The following DENND2C variants were observed in gnomAD, a reference collection of about 807,000 sequenced individuals.
DENND2C encodes the protein DENN domain-containing protein 2C.
A neutral mutation model predicts 112.4 loss-of-function variants in DENND2C; 72 were observed. That is an observed-to-expected ratio of 0.64 (90% confidence interval 0.53 to 0.78). DENND2C has a LOEUF of 0.78. Ranked by LOEUF, DENND2C falls within the 30% of genes least tolerant of loss-of-function variation. The pLI is 0.00. For missense variants in DENND2C, 992 were observed against 1,113.8 expected (o/e 0.89, Z 1.56); for synonymous variants, 329 against 381.6 (o/e 0.86, Z 1.61).
Position 114,605,086 on chromosome 1 carries a change from G to A in DENND2C, c.1558-55C>T, listed in dbSNP as rs114181646. 3,031 of 1,335,670 alleles carry A rather than the reference G, an allele frequency of 2.3e-3. 56 individuals are homozygous for A. In the African/African-American group the frequency reaches 0.039, roughly 17 times the overall value. The allele number at this position is 1,335,670 out of a possible 1,614,324, so 82.7% of individuals were successfully genotyped here. The stretch of plus-strand genomic sequence containing the variant: ...AATTATACTATGTAAGTGGGGAATA[G>A]AAATAAAAAACTCAGCCTTGTCTCA... On this transcript the variant is annotated intron_variant, in intron 10 of 20. Coordinates refer to ENST00000393274, the MANE Select transcript of DENND2C (RefSeq NM_001256404.2).
At chr1:114,607,775 T>A (rs1278984484) in intron 10 of DENND2C, among the ~76,000 whole-genome samples, 2 of 152,216 alleles carry the variant, frequency 1.3e-5, no homozygotes, top group Non-Finnish European at 2.9e-5. Context: ...AATTAATACC[T>A]ACCATTTATT....
chr1:114,661,797 A>T (rs1657499095), intron 1 of DENND2C, among the ~76,000 whole-genome samples: 1 of 152,226 alleles, frequency 6.6e-6, no homozygotes, highest in South Asian at 2.1e-4. Flanking sequence ...TGAAACAACA[A>T]ATTTGAAAGG....
At chr1:114,655,915 C>T (rs1392177981) in intron 1 of DENND2C, among the ~76,000 whole-genome samples, 1 of 122,382 alleles carries the variant, frequency 8.2e-6, no homozygotes, top group Admixed American at 8.2e-5. Context: ...GTATGTCAGT[C>T]ATATTGTTGC....
chr1:114,600,706 T>A, intron 14 of DENND2C, 114 bp downstream of exon 14: 1 of 1,322,320 alleles, frequency 7.6e-7, no homozygotes, highest in Non-Finnish European at 1.0e-6. Context: ...ATAAAACATA[T>A]TCTTTACAGT....
Position 114,601,527 on chromosome 1 carries a change from C to A in DENND2C, c.1796G>T (p.Cys599Phe). 6.2e-7 allele frequency: 1 copy of A among 1,612,030 alleles called. No homozygotes were observed. The highest frequency in any genetic ancestry group is 8.5e-7 in the Non-Finnish European group (1 of 1,178,846). ...ACTCACCTTTGAAAAAAGATTGAAGCAGCCTAGGCGACTAACCATGCAGTA... is the reference window on the plus strand; with the variant it reads ...ACTCACCTTTGAAAAAAGATTGAAGAAGCCTAGGCGACTAACCATGCAGTA... ...EVYCMVSRLG[C>F]FNLFSKILDE... The change falls in exon 13 of 21, where the codon TGC becomes TTC. Residue 599 changes from cysteine to phenylalanine, a missense_variant. Cys to Phe is a radical substitution (Grantham distance 205). This residue lies in a region of DENND2C where 516 missense variants were observed against 623.6 expected (regional missense o/e 0.83). Coordinates refer to ENST00000393274, the MANE Select transcript of DENND2C (RefSeq NM_001256404.2).
chr1:114,587,237 G>A (rs764186017), intron 20 of DENND2C, 150 bp downstream of exon 20: 46 of 782,454 alleles, frequency 5.9e-5, no homozygotes, highest in Non-Finnish European at 9.3e-5. Context: ...TGTAGGGATG[G>A]GGTCTCACTA....
chr1:114,619,248 G>A lies in DENND2C; in HGVS notation c.1228-766C>T, dbSNP rs147273163. Among the ~76,000 whole-genome samples, 1,050 of 152,240 alleles carry A rather than the reference G, an allele frequency of 6.9e-3. 3 individuals carry two copies. The highest frequency in any genetic ancestry group is 0.011 in the Non-Finnish European group (741 of 68,010). On this transcript the variant is annotated intron_variant, in intron 7 of 20. Transcript: ENST00000393274. ...TAAAAAAGAGGAAAGATTCGGAGCTGATCAACAGGTACTTTTAAAAGGAGG... is the reference window on the plus strand; with the variant it reads ...TAAAAAAGAGGAAAGATTCGGAGCTAATCAACAGGTACTTTTAAAAGGAGG...
At chr1:114,655,449 A>G (rs534091489) in intron 1 of DENND2C, among the ~76,000 whole-genome samples, 9 of 152,288 alleles carry the variant, frequency 5.9e-5, no homozygotes, top group African/African-American at 2.2e-4. Flanking sequence ...TGAAGCACCT[A>G]TGATGCACCA....
chr1:114,590,824 T>G (rs533985150), intron 18 of DENND2C, among the ~76,000 whole-genome samples: 1 of 151,624 alleles, frequency 6.6e-6, no homozygotes, highest in Non-Finnish European at 1.5e-5. Flanking sequence ...CTAGTGATCA[T>G]GTGCAAGAGA....
At chr1:114,598,121 T>C (rs1355932122) in intron 16 of DENND2C, among the ~76,000 whole-genome samples, 1 of 152,228 alleles carries the variant, frequency 6.6e-6, no homozygotes, top group Non-Finnish European at 1.5e-5. Context: ...GCAATTCAAT[T>C]TCCAAGTATA....
chr1:114,631,431 CTA>C (rs1476600293), intron 3 of DENND2C, among the ~76,000 whole-genome samples: 2 of 151,832 alleles, frequency 1.3e-5, no homozygotes, highest in Admixed American at 1.3e-4. Flanking sequence ...ATCAAAATTA[CTA>C]AACATACAAA....
chr1:114,623,422 T>C (rs1339533853), intron 5 of DENND2C, 85 bp downstream of exon 5: 1 of 1,353,042 alleles, frequency 7.4e-7, no homozygotes, highest in East Asian at 2.4e-5. Flanking sequence ...ATATGCTTGA[T>C]TATAGAAGAA....
intron 8 of DENND2C, among the ~76,000 whole-genome samples, 169 bp from the exon 9 acceptor site, chr1:114,611,286 A>C (rs939402278): frequency 6.6e-6 from 1 of 152,188 alleles, no homozygotes; most frequent in African/African-American, 2.4e-5. Context: ...TTACCAAAAG[A>C]GAGTAAAAAG....
In DENND2C at chr1:114,585,323, CAA is replaced by C. The variant is rs1020419708; in HGVS notation, c.*275_*276del. 2 of 392,372 alleles carry C rather than the reference CAA, an allele frequency of 5.1e-6. No individual in the cohort carries two copies. The highest frequency in any genetic ancestry group is 4.1e-5 in the African/African-American group (2 of 49,312). The allele number at this position is 392,372 out of a possible 1,614,324, so 24.3% of individuals were successfully genotyped here. A position where few individuals can be genotyped will look rare whatever the true frequency, so the allele number is the denominator to read the frequency against. ...CACAACTACTTTCACAGACAAAGCA[CAA>C]AACAGAGAATGAGCCCAAGAATCAC... On this transcript the variant is annotated 3_prime_UTR_variant, in exon 21 of 21. Coordinates refer to ENST00000393274, the MANE Select transcript of DENND2C (RefSeq NM_001256404.2).
At chr1:114,593,339 C>T (rs1655247696) in intron 18 of DENND2C, among the ~76,000 whole-genome samples, 1 of 152,236 alleles carries the variant, frequency 6.6e-6, no homozygotes, top group African/African-American at 2.4e-5. Flanking sequence ...TCTGGTCCCA[C>T]AGCTTTAAAA....
chr1:114,661,281 T>TG (rs1203191207), intron 1 of DENND2C, among the ~76,000 whole-genome samples: 1 of 152,200 alleles, frequency 6.6e-6, no homozygotes, highest in Non-Finnish European at 1.5e-5. Flanking sequence ...AGAATAGAGC[T>TG]ATGTCATCAC....
At chr1:114,664,459 A>C (rs926287865) in intron 1 of DENND2C, among the ~76,000 whole-genome samples, 2 of 151,924 alleles carry the variant, frequency 1.3e-5, no homozygotes, top group African/African-American at 4.8e-5. Context: ...CAAAAGAAAA[A>C]AATTTATGTA....
chr1:114,601,363 A>T, intron 13 of DENND2C, 145 bp downstream of exon 13: 1 of 747,090 alleles, frequency 1.3e-6, no homozygotes, highest in Non-Finnish European at 2.2e-6. Context: ...CAAATGGATT[A>T]GAGATGTAAG....
At chr1:114,586,860 T>C (rs1284225148) in intron 20 of DENND2C, 1 of 152,486 alleles carries the variant, frequency 6.6e-6, no homozygotes, top group Admixed American at 6.5e-5. Flanking sequence ...GCCTCCTGCG[T>C]AGCTAGAACT....
Sources: gnomAD v4.1 joint callset for allele counts (sites outside exome capture counted in the v4.1 genomes callset) on GRCh38, gnomAD v4.1.1 for gene constraint, gnomAD v4.1.1 regional missense constraint, MANE v1.5 for transcripts, NCBI Gene and HGNC (gene_info 2026-07-23, HGNC 2026-07-21) for gene names.